LHPP: variants seen among roughly 807,000 people sequenced by gnomAD.
The protein encoded by LHPP is hLHPP.
A neutral mutation model predicts 30.3 loss-of-function variants in LHPP; 24 were observed. That is an observed-to-expected ratio of 0.79 (90% CI 0.57 to 1.11). The LOEUF is 1.11. LHPP is among the 50% of genes most tolerant of loss of function. The probability of loss-of-function intolerance (pLI) is 0.00; values close to 1 mark genes in which losing one functional copy is unlikely to be tolerated. For missense variants in LHPP, 356 were observed against 367.2 expected (o/e 0.97, Z 0.25); for synonymous variants, 150 against 157.1 (o/e 0.95, Z 0.34).
intron 6 of LHPP, among the ~76,000 whole-genome samples, chr10:124,574,345 G>A (rs1282978841): frequency 2.6e-5 from 4 of 152,206 alleles, no homozygotes; most frequent in African/African-American, 4.8e-5. Flanking sequence ...GGGCGCGCAC[G>A]GATTCGCTCG....
chr10:124,535,340 A>G (rs555984855), intron 6 of LHPP, among the ~76,000 whole-genome samples: 3 of 152,348 alleles, frequency 2.0e-5, no homozygotes, highest in African/African-American at 7.2e-5. Context: ...CCACTCTGCC[A>G]CATGTGGTGG....
At chr10:124,597,690 G>A (rs1948965519) in intron 6 of LHPP, among the ~76,000 whole-genome samples, 1 of 152,184 alleles carries the variant, frequency 6.6e-6, no homozygotes, top group South Asian at 2.1e-4. Flanking sequence ...AGGAGGTGGG[G>A]TGGCACTTCT....
At chr10:124,483,805 CG>C (rs1056559287) in intron 1 of LHPP, among the ~76,000 whole-genome samples, 3 of 132,584 alleles carry the variant, frequency 2.3e-5, no homozygotes, top group African/African-American at 8.7e-5. Flanking sequence ...GGTAGAGAGG[CG>C]GGGGGACAGA....
chr10:124,578,058 C>G (rs1451096124), intron 6 of LHPP, among the ~76,000 whole-genome samples: 2 of 152,214 alleles, frequency 1.3e-5, no homozygotes, highest in South Asian at 2.1e-4. Flanking sequence ...GAGAACCTGA[C>G]TGGGACCAAG....
At chr10:124,588,037 C>T (rs192121726) in intron 6 of LHPP, among the ~76,000 whole-genome samples, 72 of 152,350 alleles carry the variant, frequency 4.7e-4, no homozygotes, top group African/African-American at 1.7e-3. Flanking sequence ...TGACGGACAG[C>T]CCCACTGCCA....
intron 6 of LHPP, among the ~76,000 whole-genome samples, chr10:124,580,952 T>A (rs1948735794): frequency 6.6e-6 from 1 of 152,124 alleles, no homozygotes; most frequent in South Asian, 2.1e-4. Flanking sequence ...CTCCTGATCT[T>A]GGGTCTTGGG....
chr10:124,507,185 G>A (rs1334784086), intron 5 of LHPP, among the ~76,000 whole-genome samples: 1 of 72,180 alleles, frequency 1.4e-5, no homozygotes, highest in Non-Finnish European at 2.9e-5. Flanking sequence ...TCAGGTCAGG[G>A]GGATAGACAG....
At chr10:124,540,342 C>T (rs908268957) in intron 6 of LHPP, among the ~76,000 whole-genome samples, 24 of 152,262 alleles carry the variant, frequency 1.6e-4, no homozygotes, top group African/African-American at 2.2e-4. Flanking sequence ...CAGGGACTTG[C>T]GGCCGGGGAC....
chr10:124,500,094 C>T (rs1404509552), intron 5 of LHPP, among the ~76,000 whole-genome samples: 3 of 152,030 alleles, frequency 2.0e-5, no homozygotes, highest in Non-Finnish European at 4.4e-5. Context: ...GAGAATGATA[C>T]AGACACCCCA....
chr10:124,610,989 C>CGGGGGA (rs1949187548), intron 6 of LHPP, among the ~76,000 whole-genome samples: 1 of 55,100 alleles, frequency 1.8e-5, no homozygotes, highest in Non-Finnish European at 3.6e-5. Context: ...GCTGGTGGAG[C>CGGGGGA]GGGTGAGGGT....
rs533101726 is a variant in LHPP, at chr10:124,592,861, C to T, written c.717-20403C>T. Reference sequence around the variant, plus strand: ...AGGGCGCGGCAGCCCGCCAGGAGCCCGGGCAGCTTGGATGGGGTCCCTGTG... The same window carrying T: ...AGGGCGCGGCAGCCCGCCAGGAGCCTGGGCAGCTTGGATGGGGTCCCTGTG... On this transcript the variant is annotated intron_variant, in intron 6 of 6. Coordinates refer to ENST00000368842, the MANE Select transcript of LHPP (RefSeq NM_022126.4). The surrounding 1 kb of genome is among the most constrained non-coding windows in gnomAD (Gnocchi z 6.2). 7.0e-4 allele frequency among the ~76,000 whole-genome samples: 106 copies of T among 152,362 alleles called. No individual in the cohort carries two copies. Among genetic ancestry groups the T allele is most frequent in the African/African-American group, 2.4e-3 (100 of 41,594 alleles).
At chr10:124,522,625 C>T (rs1954636343) in intron 6 of LHPP, among the ~76,000 whole-genome samples, 1 of 152,118 alleles carries the variant, frequency 6.6e-6, no homozygotes, top group African/African-American at 2.4e-5. Context: ...AATGTCCTGC[C>T]CTTGGGGCCA....
intron 6 of LHPP, chr10:124,612,961 T>C (rs1949220987): frequency 2.2e-6 from 1 of 453,626 alleles, no homozygotes; most frequent in Non-Finnish European, 4.1e-6. Context: ...GTGAGATGTC[T>C]GTGCTGGAGG....
rs776037845 is a variant in LHPP, at chr10:124,497,018, G to A, written c.525G>A (p.Ala175=). Residue 175 remains alanine (A), a synonymous_variant, in exon 4 of 7, where the codon GCG becomes GCA. Coordinates refer to ENST00000368842, the MANE Select transcript of LHPP (RefSeq NM_022126.4). ...TGGACGTTGGTCCCTACATGAAGGC[G>A]CTTGAGGTACCAGCCCTGGTTCTGT... ...LMLDVGPYMK[A]LEYACGIKAE... 15 of 1,613,586 alleles carry A rather than the reference G, an allele frequency of 9.3e-6. No homozygotes were observed. The highest frequency in any genetic ancestry group is 5.5e-5 in the South Asian group (5 of 91,066).
intron 6 of LHPP, among the ~76,000 whole-genome samples, chr10:124,575,593 C>T (rs1948647406): frequency 6.6e-6 from 1 of 152,102 alleles, no homozygotes; most frequent in Admixed American, 6.5e-5. Flanking sequence ...TTCTTGACTC[C>T]TACCTCAGCA....
At chr10:124,540,092 C>T (rs1401410760) in intron 6 of LHPP, among the ~76,000 whole-genome samples, 1 of 152,158 alleles carries the variant, frequency 6.6e-6, no homozygotes, top group Admixed American at 6.5e-5. Context: ...CCCCAGATAA[C>T]CGTGGGGAGG....
chr10:124,607,394 A>G (rs1188780147), intron 6 of LHPP, among the ~76,000 whole-genome samples: 5 of 152,248 alleles, frequency 3.3e-5, no homozygotes, highest in African/African-American at 7.2e-5. Context: ...ATTAAGACAT[A>G]AAAGTCCACG....
At chr10:124,501,869 A>G (rs957427772) in intron 5 of LHPP, among the ~76,000 whole-genome samples, 1 of 151,818 alleles carries the variant, frequency 6.6e-6, no homozygotes, top group African/African-American at 2.4e-5. Flanking sequence ...GTTGGAATCC[A>G]ATCTGAAGAA....
intron 1 of LHPP, among the ~76,000 whole-genome samples, chr10:124,463,862 C>T (rs1467180472): frequency 6.7e-6 from 1 of 149,504 alleles, no homozygotes; most frequent in Non-Finnish European, 1.5e-5. Flanking sequence ...TACTTTGCCA[C>T]CCAGGCTGGA....
Sources: allele counts gnomAD v4.1 joint callset (sites outside exome capture counted in the v4.1 genomes callset), GRCh38; gene constraint gnomAD v4.1.1; non-coding constraint Gnocchi (gnomAD v3.1); transcripts MANE v1.5; gene names NCBI Gene and HGNC (gene_info 2026-07-23, HGNC 2026-07-21).